POLR2C: variants seen among roughly 807,000 people sequenced by gnomAD.
POLR2C encodes the protein RNA polymerase II subunit C.
Under a neutral mutation model 41.7 loss-of-function variants are expected in POLR2C, and 36 were observed. That is an observed-to-expected ratio of 0.86 (90% CI 0.66 to 1.14). POLR2C has a LOEUF of 1.14. Among genes scored for constraint, POLR2C ranks in the 50% most tolerant of loss-of-function variants. The pLI, the probability that POLR2C is intolerant of heterozygous loss-of-function variation, is 0.00. For missense variants in POLR2C, 260 were observed against 350.4 expected (o/e 0.74, Z 2.06); for synonymous variants, 133 against 137.8 (o/e 0.96, Z 0.25).
intron 4 of POLR2C, among the ~76,000 whole-genome samples, chr16:57,467,717 C>T (rs1445777355): frequency 6.6e-6 from 1 of 152,214 alleles, no homozygotes; most frequent in Admixed American, 6.5e-5. Flanking sequence ...GCATGCATTT[C>T]CTAATAAGAA....
Position 57,471,270 on chromosome 16 carries a change from A to G in POLR2C, c.*151A>G. On this transcript the variant is annotated 3_prime_UTR_variant, in exon 9 of 9. Coordinates refer to ENST00000219252, the MANE Select transcript of POLR2C (RefSeq NM_032940.3). ...TCAGTACCAACTAGAAGTGGGTCATAGATAGATTACCAGGGATGCAGTGGT... is the reference window on the plus strand; with the variant it reads ...TCAGTACCAACTAGAAGTGGGTCATGGATAGATTACCAGGGATGCAGTGGT... 1 of 649,336 alleles carries G rather than the reference A, an allele frequency of 1.5e-6. No individual in the cohort carries two copies. Among genetic ancestry groups the G allele is most frequent in the South Asian group, 1.9e-5 (1 of 53,618 alleles). 40.2% of individuals were successfully genotyped at this position (649,336 alleles called of 1,614,324 possible).
At position 57,471,087 on chromosome 16, in the gene POLR2C, G is replaced by A. The variant is rs1490128543; in HGVS notation, c.796G>A (p.Glu266Lys). The A allele has an allele frequency of 3.7e-6, 6 of 1,613,862 alleles. No individual in the cohort carries two copies. Among genetic ancestry groups the A allele is most frequent in the Admixed American group, 1.7e-5 (1 of 60,000 alleles). The change falls in exon 9 of 9, where the codon GAG becomes AAG. Residue 266 changes from glutamate to lysine, a missense_variant. Coordinates refer to ENST00000219252, the MANE Select transcript of POLR2C (RefSeq NM_032940.3). ...LSDLQTQLSH[E>K]IQSDVLTIN ...TGATTTACAAACTCAATTAAGCCAC[G>A]AGATCCAGAGTGATGTGCTAACCAT...
Position 57,471,322 on chromosome 16 carries a change from C to T in POLR2C, c.*203C>T. 3.9e-5 allele frequency: 22 copies of T among 557,730 alleles called. No homozygotes were observed. In the South Asian group the frequency reaches 5.0e-4, roughly 13 times the overall value. 34.5% of individuals were successfully genotyped at this position (557,730 alleles called of 1,614,324 possible). On this transcript the variant is annotated 3_prime_UTR_variant, in exon 9 of 9. Transcript: ENST00000219252. ...TTTAGGCAGGATAGGTCTTTACTGGCCCTGACTGCTGTTAATAATTGGCAG... is the reference window on the plus strand; with the variant it reads ...TTTAGGCAGGATAGGTCTTTACTGGTCCTGACTGCTGTTAATAATTGGCAG...
intron 7 of POLR2C, 34 bp downstream of exon 7, chr16:57,470,163 G>T (rs1315845645): frequency 6.2e-7 from 1 of 1,603,472 alleles, no homozygotes; most frequent in Non-Finnish European, 8.5e-7. Context: ...GCAGGCATTT[G>T]GGGTGGGTGT....
chr16:57,465,552 C>A (rs562442930), intron 2 of POLR2C, among the ~76,000 whole-genome samples: 1 of 152,176 alleles, frequency 6.6e-6, no homozygotes, highest in South Asian at 2.1e-4. Flanking sequence ...GGTATGGCCC[C>A]ATAAGTCTGT....
In POLR2C at chr16:57,469,693, T is replaced by TG. The variant is rs1230578145; in HGVS notation, c.388-15dup. 3 of 1,608,598 alleles carry TG rather than the reference T, an allele frequency of 1.9e-6. No individual in the cohort carries two copies. Among genetic ancestry groups the TG allele is most frequent in the Non-Finnish European group, 2.5e-6 (3 of 1,176,900 alleles). The stretch of plus-strand genomic sequence containing the variant: ...GGGAGGTGAGCAGCTAATGAATGCC[T>TG]GGTGGACTCCCTACAGGTGACATCC... On this transcript the variant is annotated splice_polypyrimidine_tract_variant and intron_variant, in intron 5 of 8. Transcript: ENST00000219252. This position sits in a 1 kb window ranked among gnomAD's most constrained non-coding sequence, Gnocchi z 5.8.
intron 4 of POLR2C, among the ~76,000 whole-genome samples, chr16:57,466,701 C>T (rs2030717009): frequency 6.6e-6 from 1 of 152,144 alleles, no homozygotes; most frequent in African/African-American, 2.4e-5. Flanking sequence ...CCCCCTTCCT[C>T]CTGGTCGTGT....
chr16:57,469,881 T>G lies in POLR2C; in HGVS notation c.440-80T>G. ...AGACCGTTTTTCCAGATGTGTGTGG[T>G]CTTGCAGTGGCACTCCAAGTCAGAA... On this transcript the variant is annotated intron_variant, in intron 6 of 8. Transcript: ENST00000219252. This position sits in a 1 kb window ranked among gnomAD's most constrained non-coding sequence, Gnocchi z 5.8. The G allele has an allele frequency of 6.4e-7, 1 of 1,574,732 alleles. No individual in the cohort carries two copies. Among genetic ancestry groups the G allele is most frequent in the Non-Finnish European group, 8.7e-7 (1 of 1,144,772 alleles).
chr16:57,463,634 G>C (rs1482218449), intron 2 of POLR2C: 1 of 454,846 alleles, frequency 2.2e-6, no homozygotes, highest in African/African-American at 2.0e-5. Flanking sequence ...TTGGTTTTCT[G>C]TTCCTGTGTT....
At chr16:57,467,455 A>G (rs2030737999) in intron 4 of POLR2C, among the ~76,000 whole-genome samples, 1 of 152,226 alleles carries the variant, frequency 6.6e-6, no homozygotes, top group Admixed American at 6.5e-5. Context: ...CGCATGCTCT[A>G]TCACCTAGCA....
At chr16:57,463,202 C>A in intron 2 of POLR2C, 124 bp downstream of exon 2, 1 of 836,316 alleles carries the variant, frequency 1.2e-6, no homozygotes. Flanking sequence ...GAGAAAAGTG[C>A]ATTGCTGGAG....
chr16:57,467,374 A>G (rs1173251785), intron 4 of POLR2C, among the ~76,000 whole-genome samples: 1 of 152,238 alleles, frequency 6.6e-6, no homozygotes, highest in African/African-American at 2.4e-5. Context: ...TTAATAAATA[A>G]AACATAGATA....
In POLR2C at chr16:57,469,610, C is replaced by T. The variant is rs1218169245; in HGVS notation, c.388-100C>T. The stretch of plus-strand genomic sequence containing the variant: ...CACCACCTCGTCAGGTGTTCGTTCC[C>T]TGGTTGACAGATTGCAGTCTAGAGG... On this transcript the variant is annotated intron_variant, in intron 5 of 8. Coordinates refer to ENST00000219252, the MANE Select transcript of POLR2C (RefSeq NM_032940.3). This position sits in a 1 kb window ranked among gnomAD's most constrained non-coding sequence, Gnocchi z 5.8. 7 of 1,041,964 alleles carry T rather than the reference C, an allele frequency of 6.7e-6. No homozygotes were observed. In the African/African-American group the frequency reaches 1.1e-4, roughly 16 times the overall value. 64.5% of individuals were successfully genotyped at this position (1,041,964 alleles called of 1,614,324 possible).
In POLR2C at chr16:57,469,593, CGTCAGGT is replaced by C; in HGVS notation, c.388-114_388-108del. ...CCTGGGGGCATCTGTGCCACCACCTCGTCAGGTGTTCGTTCCCTGGTTGACAGATTGC... is the reference window on the plus strand; with the variant it reads ...CCTGGGGGCATCTGTGCCACCACCTCGTTCGTTCCCTGGTTGACAGATTGC... On this transcript the variant is annotated intron_variant, in intron 5 of 8. Coordinates refer to ENST00000219252, the MANE Select transcript of POLR2C (RefSeq NM_032940.3). The surrounding 1 kb of genome is among the most constrained non-coding windows in gnomAD (Gnocchi z 5.8). 2.2e-6 allele frequency: 2 copies of C among 907,642 alleles called. No individual in the cohort carries two copies. The highest frequency in any genetic ancestry group is 3.6e-6 in the Non-Finnish European group (2 of 551,576). The allele number at this position is 907,642 out of a possible 1,614,324, so 56.2% of individuals were successfully genotyped here. A position where few individuals can be genotyped will look rare whatever the true frequency, so the allele number is the denominator to read the frequency against.
In POLR2C at chr16:57,469,487, C is replaced by CT; in HGVS notation, c.387+195dup. The CT allele has an allele frequency of 1.4e-6, 1 of 731,692 alleles. No individual in the cohort carries two copies. The highest frequency in any genetic ancestry group is 1.6e-5 in the South Asian group (1 of 60,874). The allele number at this position is 731,692 out of a possible 1,614,324, so 45.3% of individuals were successfully genotyped here. A position where few individuals can be genotyped will look rare whatever the true frequency, so the allele number is the denominator to read the frequency against. ...TAGCATCGTTGGTGCTGCGCACCCTCTATCACCCAGGGACTCTTTTAAAGG... is the reference window on the plus strand; with the variant it reads ...TAGCATCGTTGGTGCTGCGCACCCTCTTATCACCCAGGGACTCTTTTAAAGG... On this transcript the variant is annotated intron_variant, in intron 5 of 8. Transcript: ENST00000219252. This position sits in a 1 kb window ranked among gnomAD's most constrained non-coding sequence, Gnocchi z 5.8.
chr16:57,466,278 T>A (rs764064446), intron 4 of POLR2C, 51 bp downstream of exon 4: 2 of 1,238,552 alleles, frequency 1.6e-6, no homozygotes, highest in South Asian at 2.6e-5. Context: ...AGGCTTTGGT[T>A]CTCAAAGGGA....
chr16:57,467,189 C>G (rs753599954), intron 4 of POLR2C, among the ~76,000 whole-genome samples: 10 of 152,250 alleles, frequency 6.6e-5, no homozygotes, highest in Non-Finnish European at 1.2e-4. Flanking sequence ...GCCGAGATTG[C>G]GCCACTGCAC....
rs762783187 is a variant in POLR2C, at chr16:57,469,968, C to T, written c.447C>T (p.Leu149=). ...PNDYVEQDDI[L]IVKLRKGQEL... is the part of the protein sequence containing the mutation. ...TTGTGCCTCTCCCTGCAGACATCCT[C>T]ATCGTCAAGTTGAGAAAGGGCCAGG... Residue 149 remains leucine, a synonymous_variant, in exon 7 of 9, where the codon CTC becomes CTT. Transcript: ENST00000219252. This position sits in a 1 kb window ranked among gnomAD's most constrained non-coding sequence, Gnocchi z 5.8. The T allele has an allele frequency of 5.0e-6, 8 of 1,613,548 alleles. No individual in the cohort carries two copies. Among genetic ancestry groups the T allele is most frequent in the Non-Finnish European group, 6.8e-6 (8 of 1,179,800 alleles).
intron 8 of POLR2C, among the ~76,000 whole-genome samples, chr16:57,470,742 T>G (rs2030814431): frequency 6.6e-6 from 1 of 152,204 alleles, no homozygotes; most frequent in Admixed American, 6.5e-5. Context: ...TACAGAACTT[T>G]AGGATTTTCA....
Sources: gnomAD v4.1 joint callset for allele counts (sites outside exome capture counted in the v4.1 genomes callset) on GRCh38, gnomAD v4.1.1 for gene constraint, Gnocchi (gnomAD v3.1) non-coding constraint, MANE v1.5 for transcripts, NCBI Gene and HGNC (gene_info 2026-07-23, HGNC 2026-07-21) for gene names.